Variants in CAMTA1 observed in about 807,000 individuals in gnomAD.
The protein encoded by CAMTA1 is calmodulin binding transcription activator 1, also known as calmodulin-binding transcription activator 1.
CAMTA1 carries 27 observed loss-of-function variants against 170.9 expected under a neutral mutation model. The observed-to-expected ratio is 0.16, with a 90% CI of 0.12 to 0.22. The LOEUF (loss-of-function observed/expected upper bound fraction) is 0.22. Ranked by LOEUF, CAMTA1 falls within the 10% of genes least tolerant of loss-of-function variation. The probability of loss-of-function intolerance (pLI) is 1.00; values close to 1 mark genes in which losing one functional copy is unlikely to be tolerated. For synonymous variants in CAMTA1, 833 were observed against 891.5 expected (o/e 0.93, Z 1.17); for missense variants, 1,619 against 2,217.2 (o/e 0.73, Z 5.42).
rs2096090377 is a variant in CAMTA1, at chr1:7,674,283, C to A, written c.2779+3246C>A. 6.6e-6 allele frequency among the ~76,000 whole-genome samples: 1 copy of A among 152,076 alleles called. No individual in the cohort carries two copies. The highest frequency in any genetic ancestry group is 2.1e-4 in the South Asian group (1 of 4,824). On this transcript the variant is annotated intron_variant, in intron 10 of 22. Coordinates refer to ENST00000303635, the MANE Select transcript of CAMTA1 (RefSeq NM_015215.4). This position sits in a 1 kb window ranked among gnomAD's most constrained non-coding sequence, Gnocchi z 4.1. Reference sequence around the variant, plus strand: ...ACTGAGTGTGTCTTCTGCAAGACTCCAGGGTGCTTCAGGGGCAGGAGGGAG... The same window carrying A: ...ACTGAGTGTGTCTTCTGCAAGACTCAAGGGTGCTTCAGGGGCAGGAGGGAG...
At chr1:7,026,635 CTT>C (rs540196853) in intron 3 of CAMTA1, among the ~76,000 whole-genome samples, 28,417 of 116,218 alleles carry the variant, frequency 0.24, 2,890 homozygotes, top group Middle Eastern at 0.33. Flanking sequence ...TGGGTGGCTG[CTT>C]TTTTTTTTTT....
intron 4 of CAMTA1, among the ~76,000 whole-genome samples, chr1:7,121,247 G>A (rs1029641553): frequency 6.6e-5 from 10 of 152,220 alleles, no homozygotes; most frequent in Non-Finnish European, 2.9e-5. Flanking sequence ...TGAGCTATGT[G>A]TGTAACTGAA....
At chr1:7,379,889 G>A (rs148211355) in intron 5 of CAMTA1, among the ~76,000 whole-genome samples, 4 of 152,328 alleles carry the variant, frequency 2.6e-5, no homozygotes, top group Admixed American at 2.6e-4. Context: ...GCGTGCGTCT[G>A]CCTTGCGCCA....
intron 3 of CAMTA1, among the ~76,000 whole-genome samples, chr1:7,042,942 A>G (rs1704700667): frequency 6.6e-6 from 1 of 152,228 alleles, no homozygotes. Flanking sequence ...TGTTTCTGAG[A>G]GTCTTCAATG....
chr1:7,728,205 G>A (rs2096705383), intron 11 of CAMTA1, among the ~76,000 whole-genome samples: 1 of 152,258 alleles, frequency 6.6e-6, no homozygotes, highest in South Asian at 2.1e-4. Flanking sequence ...GACTGTTGGA[G>A]GGGTTGACCG....
chr1:6,837,102 C>T (rs1172767394), intron 3 of CAMTA1, among the ~76,000 whole-genome samples: 3 of 152,142 alleles, frequency 2.0e-5, no homozygotes, highest in South Asian at 2.1e-4. Context: ...TACAGGCACG[C>T]GCCACCATAC....
chr1:6,891,453 T>C lies in CAMTA1; in HGVS notation c.234+66243T>C, dbSNP rs568932899. On this transcript the variant is annotated intron_variant, in intron 3 of 22. Coordinates refer to ENST00000303635, the MANE Select transcript of CAMTA1 (RefSeq NM_015215.4). ...CCTTCTGGTTTTAGCTTGCCCTGTG[T>C]CTGTGGTCATTTGACATTAGAATAG... Among the ~76,000 whole-genome samples, 3 of 152,348 alleles carry C rather than the reference T, an allele frequency of 2.0e-5. No homozygotes were observed. The South Asian group carries it at 6.2e-4, about 32-fold the overall frequency.
intron 6 of CAMTA1, among the ~76,000 whole-genome samples, chr1:7,586,680 G>A (rs2095312842): frequency 6.6e-6 from 1 of 152,144 alleles, no homozygotes; most frequent in South Asian, 2.1e-4. Flanking sequence ...GGGCACACCA[G>A]CCGACACGGT....
At chr1:6,905,706 G>A (rs143360911) in intron 3 of CAMTA1, among the ~76,000 whole-genome samples, 80 of 152,244 alleles carry the variant, frequency 5.3e-4, no homozygotes, top group African/African-American at 1.5e-3. Context: ...CCTGCTTTGC[G>A]TTTGCATTGT....
At chr1:7,465,452 C>T (rs908465997) in intron 5 of CAMTA1, among the ~76,000 whole-genome samples, 2 of 151,410 alleles carry the variant, frequency 1.3e-5, no homozygotes, top group African/African-American at 4.9e-5. Flanking sequence ...ACTTCCCATC[C>T]CTCCCACCAT....
At chr1:6,956,008 T>C (rs964980446) in intron 3 of CAMTA1, among the ~76,000 whole-genome samples, 5 of 152,188 alleles carry the variant, frequency 3.3e-5, no homozygotes, top group Admixed American at 6.5e-5. Context: ...GGTTTTTCAG[T>C]ATCTTCCGCT....
At chr1:6,966,611 C>CTTTTTTTTTTT (rs70984045) in intron 3 of CAMTA1, among the ~76,000 whole-genome samples, 2 of 128,196 alleles carry the variant, frequency 1.6e-5, no homozygotes, top group Non-Finnish European at 3.2e-5. Context: ...CTTTTGAAAC[C>CTTTTTTTTTTT]TTTTTTTTTT....
chr1:7,698,962 A>T (rs1332454710), intron 11 of CAMTA1: 1 of 152,052 alleles, frequency 6.6e-6, no homozygotes, highest in Non-Finnish European at 1.5e-5. Context: ...GCCCAGACCG[A>T]CTCACTGGGA....
At chr1:6,955,259 T>A (rs898335030) in intron 3 of CAMTA1, among the ~76,000 whole-genome samples, 1 of 152,082 alleles carries the variant, frequency 6.6e-6, no homozygotes, top group South Asian at 2.1e-4. Context: ...GATGATGATG[T>A]CAGCACTGGG....
chr1:7,364,562 T>G (rs1046951717), intron 5 of CAMTA1, among the ~76,000 whole-genome samples: 4 of 151,998 alleles, frequency 2.6e-5, no homozygotes, highest in African/African-American at 4.8e-5. Flanking sequence ...ATCAGACCTA[T>G]GAGTGCATGG....
Position 7,685,495 on chromosome 1 carries a change from C to T in CAMTA1, c.2914+7762C>T, listed in dbSNP as rs2096250811. On this transcript the variant is annotated intron_variant, in intron 11 of 22. Coordinates refer to ENST00000303635, the MANE Select transcript of CAMTA1 (RefSeq NM_015215.4). The surrounding 1 kb of genome is among the most constrained non-coding windows in gnomAD (Gnocchi z 5.7). ...CTTGAGGACTCCCAGCCCCTGTGTCCCCATTGATGGCCCCTTCCCCAGGCG... is the reference window on the plus strand; with the variant it reads ...CTTGAGGACTCCCAGCCCCTGTGTCTCCATTGATGGCCCCTTCCCCAGGCG... Among the ~76,000 whole-genome samples, 1 of 152,180 alleles carries T rather than the reference C, an allele frequency of 6.6e-6. No individual in the cohort carries two copies. The highest frequency in any genetic ancestry group is 1.5e-5 in the Non-Finnish European group (1 of 68,034).
At chr1:7,296,384 C>G (rs1250659944) in intron 5 of CAMTA1, among the ~76,000 whole-genome samples, 2 of 152,176 alleles carry the variant, frequency 1.3e-5, no homozygotes, top group Non-Finnish European at 2.9e-5. Context: ...CCACAGTGGA[C>G]CATTGCTCTG....
chr1:7,313,359 T>C (rs1226699547), intron 5 of CAMTA1, among the ~76,000 whole-genome samples: 3 of 152,232 alleles, frequency 2.0e-5, no homozygotes, highest in Non-Finnish European at 4.4e-5. Context: ...CTATGAATCC[T>C]GTTTTCATTT....
chr1:7,524,648 C>G (rs2094408869), intron 6 of CAMTA1, among the ~76,000 whole-genome samples: 1 of 152,144 alleles, frequency 6.6e-6, no homozygotes, highest in Non-Finnish European at 1.5e-5. Flanking sequence ...TAATTTCCTG[C>G]TATTCCTGAC....
Sources: gnomAD v4.1 joint callset for allele counts (sites outside exome capture counted in the v4.1 genomes callset) on GRCh38, gnomAD v4.1.1 for gene constraint, Gnocchi (gnomAD v3.1) non-coding constraint, MANE v1.5 for transcripts, NCBI Gene and HGNC (gene_info 2026-07-23, HGNC 2026-07-21) for gene names.